Variants in KDM1A observed in about 807,000 individuals in gnomAD.
The protein encoded by KDM1A is lysine demethylase 1A.
In KDM1A, 49 loss-of-function variants were observed where a neutral mutation model predicts 109.4. The observed-to-expected ratio is 0.45, with a 90% CI of 0.36 to 0.57. The LOEUF (loss-of-function observed/expected upper bound fraction) is 0.57, where lower values mean the gene tolerates loss of function less well. Ranked by LOEUF, KDM1A falls within the 20% of genes least tolerant of loss-of-function variation. The pLI is 0.00. For synonymous variants in KDM1A, 380 were observed against 415.4 expected, an observed-to-expected ratio of 0.91 and a Z score of 1.04; for missense variants, 668 against 1,116.6, an observed-to-expected ratio of 0.60 and a Z score of 5.73.
In KDM1A at chr1:23,053,766, G is replaced by A. The variant is rs61757704; in HGVS notation, c.717G>A (p.Gln239=). ...VFLFIRNRTL[Q]LWLDNPKIQL... ...TTTATGTCATTTAAATGCAGCTGCA[G>A]TTGTGGTTGGATAATCCAAAGATTC... Residue 239 remains glutamine, a synonymous_variant, in exon 5 of 21, where the codon CAG becomes CAA. Transcript: ENST00000400181. 7.0e-3 allele frequency: 11,141 copies of A among 1,601,816 alleles called. 665 individuals are homozygous for A. In the African/African-American group the frequency reaches 0.13, roughly 19 times the overall value.
At chr1:23,038,541 C>A (rs1642217718) in intron 2 of KDM1A, among the ~76,000 whole-genome samples, 1 of 152,048 alleles carries the variant, frequency 6.6e-6, no homozygotes, top group Non-Finnish European at 1.5e-5. Flanking sequence ...TGAACACAAA[C>A]CAAGACTGCA....
At chr1:23,048,238 TTGG>T (rs1428750943) in intron 3 of KDM1A, among the ~76,000 whole-genome samples, 1 of 152,170 alleles carries the variant, frequency 6.6e-6, no homozygotes, top group African/African-American at 2.4e-5. Flanking sequence ...ATTTTTAGTC[TTGG>T]TGGTTTTGTT....
chr1:23,022,070 A>G (rs1330337863), intron 1 of KDM1A, among the ~76,000 whole-genome samples: 2 of 152,162 alleles, frequency 1.3e-5, no homozygotes, highest in African/African-American at 2.4e-5. Context: ...CCCATTCATC[A>G]TTTGACGCAC....
chr1:23,040,999 G>A (rs1309952302), intron 2 of KDM1A, among the ~76,000 whole-genome samples: 1 of 152,162 alleles, frequency 6.6e-6, no homozygotes, highest in Admixed American at 6.5e-5. Flanking sequence ...TGCTGTTAAT[G>A]TGTCCTGAGC....
chr1:23,042,687 C>T (rs1452903981), intron 2 of KDM1A, among the ~76,000 whole-genome samples: 2 of 150,978 alleles, frequency 1.3e-5, no homozygotes, highest in African/African-American at 2.4e-5. Flanking sequence ...CTCCTGACCT[C>T]GTGATCCGCC....
chr1:23,025,929 A>G (rs1641784738), intron 1 of KDM1A, among the ~76,000 whole-genome samples: 1 of 152,060 alleles, frequency 6.6e-6, no homozygotes, highest in Non-Finnish European at 1.5e-5. Context: ...CTGTTTATAC[A>G]AAATTATAAA....
chr1:23,019,592 C>T lies in KDM1A; in HGVS notation c.-5C>T, dbSNP rs1641542791. The T allele has an allele frequency of 1.3e-5, 19 of 1,413,168 alleles. No individual in the cohort carries two copies. The highest frequency in any genetic ancestry group is 1.6e-5 in the Non-Finnish European group (18 of 1,093,332). 87.5% of individuals were successfully genotyped at this position (1,413,168 alleles called of 1,614,324 possible). On this transcript the variant is annotated 5_prime_UTR_variant, in exon 1 of 21. Transcript: ENST00000400181. Reference sequence around the variant, plus strand: ...CTACGGCCGTCGGCGGCCCGGCGGCCCGAGATGTTATCTGGGAAGAAGGCG... The same window carrying T: ...CTACGGCCGTCGGCGGCCCGGCGGCTCGAGATGTTATCTGGGAAGAAGGCG...
At chr1:23,066,572 G>A (rs1643166520) in intron 10 of KDM1A, among the ~76,000 whole-genome samples, 1 of 152,034 alleles carries the variant, frequency 6.6e-6, no homozygotes, top group African/African-American at 2.4e-5. Flanking sequence ...ACTTGTGTTT[G>A]ACACATTCTG....
At position 23,081,581 on chromosome 1, in the gene KDM1A, G is replaced by T. The variant is rs539325026; in HGVS notation, c.2298+8G>T. On this transcript the variant is annotated splice_region_variant and intron_variant, in intron 19 of 20. Coordinates refer to ENST00000400181, the MANE Select transcript of KDM1A (RefSeq NM_001009999.3). The stretch of plus-strand genomic sequence containing the variant: ...AGCAGTGCAGTACCTCAGGTAAGTA[G>T]GTAGGTGGGGCAAGGAGGGATCTAG... 6.2e-7 allele frequency: 1 copy of T among 1,613,912 alleles called. No individual in the cohort carries two copies. Among genetic ancestry groups the T allele is most frequent in the African/African-American group, 1.3e-5 (1 of 74,926 alleles).
intron 1 of KDM1A, among the ~76,000 whole-genome samples, chr1:23,029,067 G>A (rs1273575633): frequency 4.6e-5 from 7 of 151,968 alleles, no homozygotes. Flanking sequence ...CCTGTTTTCA[G>A]TAACACTCTT....
Position 23,066,042 on chromosome 1 carries a change from T to G in KDM1A, c.1168-18T>G, listed in dbSNP as rs1397636474. 1 of 1,611,376 alleles carries G rather than the reference T, an allele frequency of 6.2e-7. No individual in the cohort carries two copies. The highest frequency in any genetic ancestry group is 2.2e-5 in the East Asian group (1 of 44,800). ...GTTATTTACAGTTTATTTCTCTCTC[T>G]GCTGCACTGGTTAAAAGGACACTGT... On this transcript the variant is annotated intron_variant, in intron 9 of 20. Transcript: ENST00000400181.
chr1:23,080,195 G>A (rs932652681), intron 18 of KDM1A, among the ~76,000 whole-genome samples: 3 of 152,122 alleles, frequency 2.0e-5, no homozygotes, highest in Non-Finnish European at 4.4e-5. Flanking sequence ...TCAGCTAACC[G>A]TTGGCTTGCT....
chr1:23,066,931 T>G (rs2124503827), intron 10 of KDM1A, among the ~76,000 whole-genome samples: 1 of 152,348 alleles, frequency 6.6e-6, no homozygotes, highest in South Asian at 2.1e-4. Flanking sequence ...TGAGGAAAAG[T>G]AGCTGAGAAA....
At chr1:23,070,778 A>G (rs1327429584) in intron 12 of KDM1A, among the ~76,000 whole-genome samples, 1 of 151,948 alleles carries the variant, frequency 6.6e-6, no homozygotes, top group Non-Finnish European at 1.5e-5. Flanking sequence ...ACTGCACTCC[A>G]GCCTGGGCGA....
intron 1 of KDM1A, among the ~76,000 whole-genome samples, chr1:23,029,968 C>T (rs1033315318): frequency 1.3e-5 from 2 of 152,202 alleles, no homozygotes; most frequent in South Asian, 2.1e-4. Context: ...AAAGCAAATG[C>T]ACCTTTTCAT....
At chr1:23,037,417 T>A (rs189662554) in intron 2 of KDM1A, among the ~76,000 whole-genome samples, 1 of 151,756 alleles carries the variant, frequency 6.6e-6, no homozygotes, top group Admixed American at 6.6e-5. Flanking sequence ...AACTCAGAAG[T>A]TTTTATTTTT....
chr1:23,029,058 C>T, intron 1 of KDM1A, among the ~76,000 whole-genome samples: 1 of 152,126 alleles, frequency 6.6e-6, no homozygotes. Flanking sequence ...AACCCAATCC[C>T]TGTTTTCAGT....
In KDM1A at chr1:23,073,334, G is replaced by A. The variant is rs1435710328; in HGVS notation, c.1665G>A (p.Trp555Ter). 6.2e-7 allele frequency: 1 copy of A among 1,611,434 alleles called. No individual in the cohort carries two copies. The highest frequency in any genetic ancestry group is 8.5e-7 in the Non-Finnish European group (1 of 1,178,200). The change falls in exon 15 of 21, where the codon TGG (tryptophan) becomes TGA (stop). Residue 555 changes from tryptophan (W) to a stop codon, truncating the protein, a stop_gained. Transcript: ENST00000400181. LOFTEE classifies it high-confidence loss of function. The stretch of plus-strand genomic sequence containing the variant: ...CAAGAGACAGACAAATACTTGATTG[G>A]CATTTTGCAAATCTTGAATTTGCTA... ...LSSRDRQILD[W>*]HFANLEFANA... is the part of the protein sequence containing the mutation.
chr1:23,081,753 C>T, intron 19 of KDM1A, 180 bp downstream of exon 19: 2 of 678,454 alleles, frequency 2.9e-6, no homozygotes. Flanking sequence ...CCCCCCAGGA[C>T]AAGAGCTGGG....
Sources: allele counts gnomAD v4.1 joint callset (sites outside exome capture counted in the v4.1 genomes callset), GRCh38; gene constraint gnomAD v4.1.1; transcripts MANE v1.5; gene names NCBI Gene and HGNC (gene_info 2026-07-23, HGNC 2026-07-21).